The following PREX2 variants were observed in gnomAD, a reference collection of about 807,000 sequenced individuals.
PREX2 encodes the protein phosphatidylinositol-3,4,5-trisphosphate dependent Rac exchange factor 2, also known as phosphatidylinositol 3,4,5-trisphosphate-dependent Rac exchanger 2 protein.
PREX2 carries 107 observed loss-of-function variants against 203.2 expected under a neutral mutation model. The observed-to-expected ratio is 0.53, with a 90% CI of 0.45 to 0.62. The LOEUF (loss-of-function observed/expected upper bound fraction) is 0.62. PREX2 is among the 20% of genes least tolerant of loss of function. The pLI is 0.00. For missense variants in PREX2, 1,777 were observed against 1,955.9 expected, an observed-to-expected ratio of 0.91 and a Z score of 1.72; for synonymous variants, 672 against 663.6, an observed-to-expected ratio of 1.01 and a Z score of -0.19.
At chr8:68,109,391 C>T (rs375233413) in intron 24 of PREX2, 25 bp from the exon 25 acceptor site, 1 of 1,579,354 alleles carries the variant, frequency 6.3e-7, no homozygotes, top group Non-Finnish European at 8.7e-7. Flanking sequence ...ATACATATTA[C>T]TAAGGAATGA....
intron 7 of PREX2, among the ~76,000 whole-genome samples, chr8:68,040,860 T>C (rs548096820): frequency 2.0e-5 from 3 of 152,204 alleles, no homozygotes; most frequent in Non-Finnish European, 4.4e-5. Context: ...GAACACAAAC[T>C]AGTCCCCTGT....
At chr8:68,206,711 A>G (rs1463630197) in intron 37 of PREX2, among the ~76,000 whole-genome samples, 2 of 152,186 alleles carry the variant, frequency 1.3e-5, no homozygotes, top group Non-Finnish European at 2.9e-5. Context: ...TTATTCATCT[A>G]TTTGCTCATC....
At chr8:68,083,899 T>C (rs772439398) in intron 18 of PREX2, among the ~76,000 whole-genome samples, 6 of 152,236 alleles carry the variant, frequency 3.9e-5, no homozygotes, top group Non-Finnish European at 8.8e-5. Context: ...AAAAAAGTTA[T>C]GTTTATTATA....
At chr8:68,102,210 C>T (rs578125754) in intron 23 of PREX2, among the ~76,000 whole-genome samples, 48 of 152,236 alleles carry the variant, frequency 3.2e-4, no homozygotes, top group African/African-American at 9.1e-4. Flanking sequence ...CCTCTTTCTT[C>T]GGGAGATTAA....
At chr8:67,982,158 C>T (rs753109969) in intron 1 of PREX2, among the ~76,000 whole-genome samples, 61 of 152,276 alleles carry the variant, frequency 4.0e-4, no homozygotes, top group Non-Finnish European at 7.1e-4. Context: ...CCTCTGCATG[C>T]GGTGGCTCAC....
intron 1 of PREX2, among the ~76,000 whole-genome samples, chr8:67,996,189 TATTA>T (rs1806758592): frequency 6.6e-6 from 1 of 152,070 alleles, no homozygotes; most frequent in African/African-American, 2.4e-5. Context: ...CTTTTTTCAG[TATTA>T]ATTTTTTATT....
At position 68,097,401 on chromosome 8, in the gene PREX2, T is replaced by G. The variant is rs548214497; in HGVS notation, c.2553+200T>G. ...GTGCAGTGGCGTGATCTCGGCTCACTGCAACATCTGCCTCCCGGGTTCAAG... is the reference window on the plus strand; with the variant it reads ...GTGCAGTGGCGTGATCTCGGCTCACGGCAACATCTGCCTCCCGGGTTCAAG... On this transcript the variant is annotated intron_variant, in intron 22 of 39. Coordinates refer to ENST00000288368, the MANE Select transcript of PREX2 (RefSeq NM_024870.4). 2.0e-5 allele frequency among the ~76,000 whole-genome samples: 3 copies of G among 152,020 alleles called. 1 individual carries two copies. The highest frequency in any genetic ancestry group is 7.2e-5 in the African/African-American group (3 of 41,448).
At chr8:68,005,874 T>C (rs952882966) in intron 1 of PREX2, among the ~76,000 whole-genome samples, 3 of 92,048 alleles carry the variant, frequency 3.3e-5, no homozygotes, top group African/African-American at 1.2e-4. Context: ...GAGCCTGTCA[T>C]AGAGTGGGTT....
intron 35 of PREX2, among the ~76,000 whole-genome samples, chr8:68,191,432 C>A (rs2129614657): frequency 6.6e-6 from 1 of 152,248 alleles, no homozygotes; most frequent in East Asian, 1.9e-4. Context: ...TTAATCTTGG[C>A]AGTCTTATGA....
At position 68,115,739 on chromosome 8, in the gene PREX2, A is replaced by T; in HGVS notation, c.3147-14A>T. ...GTTTGAAAATGTGCATTTTTTTTTA[A>T]TATTACATTGCAGCCTTCTGTCTTC... On this transcript the variant is annotated splice_polypyrimidine_tract_variant and intron_variant, in intron 25 of 39. Coordinates refer to ENST00000288368, the MANE Select transcript of PREX2 (RefSeq NM_024870.4). 1.3e-6 allele frequency: 2 copies of T among 1,585,796 alleles called. No homozygotes were observed. Among genetic ancestry groups the T allele is most frequent in the Admixed American group, 3.6e-5 (2 of 55,204 alleles).
chr8:68,031,285 C>G (rs1377621016), intron 6 of PREX2, among the ~76,000 whole-genome samples: 1 of 152,186 alleles, frequency 6.6e-6, no homozygotes, highest in Admixed American at 6.5e-5. Context: ...GTTACTTTAC[C>G]ACTATGCAAA....
In PREX2 at chr8:68,231,422, T is replaced by C. The variant is rs1460527920; in HGVS notation, c.*44T>C. The stretch of plus-strand genomic sequence containing the variant: ...CAGGCAGGCAGAAGCTCCTGAATGC[T>C]GGACTAGACAAACTACATGCTGGCT... On this transcript the variant is annotated 3_prime_UTR_variant, in exon 40 of 40. Transcript: ENST00000288368. The C allele has an allele frequency of 3.9e-6, 6 of 1,534,914 alleles. No homozygotes were observed. Among genetic ancestry groups the C allele is most frequent in the Non-Finnish European group, 4.4e-6 (5 of 1,131,032 alleles).
chr8:68,126,914 G>A (rs575114711), intron 30 of PREX2, among the ~76,000 whole-genome samples: 1 of 150,518 alleles, frequency 6.6e-6, no homozygotes, highest in Non-Finnish European at 1.5e-5. Flanking sequence ...ATACGTGTGT[G>A]TGTATATATA....
chr8:68,231,207 A>G, intron 39 of PREX2, 126 bp from the exon 40 acceptor site: 1 of 628,206 alleles, frequency 1.6e-6, no homozygotes, highest in Non-Finnish European at 2.5e-6. Context: ...TTTTAGTGAA[A>G]TAGACAATCC....
intron 35 of PREX2, among the ~76,000 whole-genome samples, chr8:68,173,093 C>T (rs1267304699): frequency 6.6e-6 from 1 of 152,182 alleles, no homozygotes; most frequent in East Asian, 1.9e-4. Context: ...ATATTGAAGG[C>T]AACCATGTCC....
chr8:67,961,852 G>C (rs915012479), intron 1 of PREX2, among the ~76,000 whole-genome samples: 17 of 152,132 alleles, frequency 1.1e-4, no homozygotes, highest in South Asian at 4.1e-4. Context: ...TTTTGCTCGA[G>C]AGTATCTTAG....
intron 35 of PREX2, among the ~76,000 whole-genome samples, chr8:68,160,617 A>G (rs1051325055): frequency 6.6e-6 from 1 of 152,170 alleles, no homozygotes; most frequent in Admixed American, 6.5e-5. Context: ...TGGGAAACAC[A>G]GTTTTAGAAT....
At chr8:68,049,541 G>A (rs1282867395) in intron 8 of PREX2, among the ~76,000 whole-genome samples, 1 of 152,018 alleles carries the variant, frequency 6.6e-6, no homozygotes, top group East Asian at 1.9e-4. Flanking sequence ...CAAGGAATTT[G>A]CAAACTGTAT....
rs1411497696 is a variant in PREX2, at chr8:68,192,382, C to G, written c.4461C>G (p.Ala1487=). The G allele has an allele frequency of 6.2e-7, 1 of 1,612,544 alleles. No individual in the cohort carries two copies. The highest frequency in any genetic ancestry group is 1.7e-5 in the Admixed American group (1 of 59,790). ...TGGATGAACTTTACCGACTGGTAGC[C>G]TCGTTTATCAGATCCAAGCGCACAG... is the stretch of plus-strand genomic sequence containing the variant. ...NALDELYRLV[A]SFIRSKRTAA... Residue 1487 remains alanine (A), a synonymous_variant, in exon 37 of 40, where the codon GCC becomes GCG. Transcript: ENST00000288368.
Sources: gnomAD v4.1 joint callset for allele counts (sites outside exome capture counted in the v4.1 genomes callset) on GRCh38, gnomAD v4.1.1 for gene constraint, MANE v1.5 for transcripts, NCBI Gene and HGNC (gene_info 2026-07-23, HGNC 2026-07-21) for gene names.